Variants in CEP128 observed in about 807,000 individuals in gnomAD.
The protein encoded by CEP128 is centrosomal protein 128kDa.
CEP128 carries 132 observed loss-of-function variants against 156.7 expected under a neutral mutation model. The observed-to-expected ratio is 0.84, with a 90% CI of 0.73 to 0.97. The LOEUF is 0.97. Ranked by LOEUF, CEP128 falls within the 50% of genes least tolerant of loss-of-function variation. CEP128 has a pLI of 0.00. For synonymous variants in CEP128, 469 were observed against 448.9 expected (o/e 1.04, Z -0.57); for missense variants, 1,252 against 1,281.9 (o/e 0.98, Z 0.36).
At chr14:80,827,287 T>C (rs1166150605) in intron 13 of CEP128, among the ~76,000 whole-genome samples, 7 of 152,176 alleles carry the variant, frequency 4.6e-5, no homozygotes. Flanking sequence ...AAATACTAAT[T>C]AAGCACCTAG....
At chr14:80,725,455 T>C (rs971318272) in intron 19 of CEP128, among the ~76,000 whole-genome samples, 1 of 152,086 alleles carries the variant, frequency 6.6e-6, no homozygotes, top group African/African-American at 2.4e-5. Flanking sequence ...AGTGCTGGGA[T>C]TACAGAGGTG....
intron 8 of CEP128, among the ~76,000 whole-genome samples, chr14:80,878,592 T>A (rs1777943804): frequency 6.6e-6 from 1 of 152,128 alleles, no homozygotes; most frequent in Non-Finnish European, 1.5e-5. Flanking sequence ...GGTCCCAAAT[T>A]GCAGTTGTGC....
At chr14:80,540,306 TTCTC>T (rs1566767394) in intron 21 of CEP128, among the ~76,000 whole-genome samples, 1 of 151,244 alleles carries the variant, frequency 6.6e-6, no homozygotes, top group Admixed American at 6.6e-5. Flanking sequence ...GCTGTAAAAT[TTCTC>T]TCTTTGTACT....
chr14:80,562,089 G>C (rs986657610), intron 20 of CEP128, among the ~76,000 whole-genome samples: 1 of 101,450 alleles, frequency 9.9e-6, no homozygotes, highest in African/African-American at 4.2e-5. Context: ...CACCACATCC[G>C]GCTAATTTTT....
chr14:80,504,809 A>C (rs1250075748), intron 24 of CEP128, 103 bp downstream of exon 24: 1 of 432,800 alleles, frequency 2.3e-6, no homozygotes, highest in Non-Finnish European at 4.1e-6. Context: ...ATTTTCTCAG[A>C]CTTATGAATA....
intron 2 of CEP128, among the ~76,000 whole-genome samples, chr14:80,932,657 GA>G (rs1425959965): frequency 6.6e-6 from 1 of 151,682 alleles, no homozygotes; most frequent in Non-Finnish European, 1.5e-5. Context: ...CTAGTTGCAG[GA>G]AAAAAAAGCT....
chr14:80,619,807 T>A lies in CEP128; in HGVS notation c.2807-39384A>T, dbSNP rs2140649203. On this transcript the variant is annotated intron_variant, in intron 19 of 24. Coordinates refer to ENST00000555265, the MANE Select transcript of CEP128 (RefSeq NM_152446.5). ...TTGCTACAAAATTTCAATAGGCAGGTTTTAGGTGAGGCATAGGTGGAGAAA... is the reference window on the plus strand; with the variant it reads ...TTGCTACAAAATTTCAATAGGCAGGATTTAGGTGAGGCATAGGTGGAGAAA... 1.3e-5 allele frequency among the ~76,000 whole-genome samples: 2 copies of A among 151,348 alleles called. 1 individual carries two copies. The highest frequency in any genetic ancestry group is 4.2e-4 in the South Asian group (2 of 4,756).
chr14:80,625,391 A>G (rs754134963), intron 19 of CEP128, among the ~76,000 whole-genome samples: 32 of 151,978 alleles, frequency 2.1e-4, no homozygotes, highest in Non-Finnish European at 4.0e-4. Flanking sequence ...TTATGCCTCG[A>G]GCTTTGTTCT....
chr14:80,542,478 CAA>C (rs1200184378), intron 21 of CEP128, among the ~76,000 whole-genome samples: 1 of 151,828 alleles, frequency 6.6e-6, no homozygotes, highest in Middle Eastern at 3.2e-3. Flanking sequence ...ATAATAAAAA[CAA>C]AAAACAGAAC....
chr14:80,950,354 C>G (rs1886436514), intron 2 of CEP128, among the ~76,000 whole-genome samples: 1 of 152,126 alleles, frequency 6.6e-6, no homozygotes, highest in Non-Finnish European at 1.5e-5. Context: ...TTTGTTACAG[C>G]AGCCCTAGGA....
chr14:80,502,583 T>C (rs1173061734), intron 24 of CEP128, among the ~76,000 whole-genome samples: 1 of 152,212 alleles, frequency 6.6e-6, no homozygotes, highest in African/African-American at 2.4e-5. Flanking sequence ...TTTTCTTTAC[T>C]CTTTATGGCA....
chr14:80,900,991 G>A (rs1036948865), intron 6 of CEP128, among the ~76,000 whole-genome samples: 3 of 151,954 alleles, frequency 2.0e-5, no homozygotes, highest in Non-Finnish European at 2.9e-5. Context: ...CGGATCACGA[G>A]GTCAGGAGAT....
chr14:80,860,620 GT>G (rs1168220155), intron 9 of CEP128, among the ~76,000 whole-genome samples: 3 of 150,398 alleles, frequency 2.0e-5, no homozygotes, highest in Non-Finnish European at 4.4e-5. Context: ...AAAAATCAAG[GT>G]TAAAAAAAAA....
At position 80,600,992 on chromosome 14, in the gene CEP128, G is replaced by A. The variant is rs1006782803; in HGVS notation, c.2807-20569C>T. ...AAAACTGAAGAATATACATGAAGAT[G>A]ATATATGAAGAAGATTATACATGAA... On this transcript the variant is annotated intron_variant, in intron 19 of 24. Transcript: ENST00000555265. Among the ~76,000 whole-genome samples the A allele has an allele frequency of 5.3e-5, 8 of 151,638 alleles. No homozygotes were observed. The East Asian group carries it at 1.4e-3, about 26-fold the overall frequency.
intron 19 of CEP128, among the ~76,000 whole-genome samples, chr14:80,725,018 T>C (rs528996089): frequency 7.0e-6 from 1 of 143,496 alleles, no homozygotes; most frequent in Non-Finnish European, 1.5e-5. Flanking sequence ...TATACATATA[T>C]GATATATATA....
At chr14:80,840,969 TG>T (rs1325218155) in intron 9 of CEP128, among the ~76,000 whole-genome samples, 1 of 152,180 alleles carries the variant, frequency 6.6e-6, no homozygotes, top group African/African-American at 2.4e-5. Flanking sequence ...ATATTCACTT[TG>T]TTTCCTTTTT....
chr14:80,594,555 T>C lies in CEP128; in HGVS notation c.2807-14132A>G, dbSNP rs539800714. ...AGGCAACATACAGAATGGGAGAACA[T>C]TTTTGCAATCTCTCCATCTGACAAA... On this transcript the variant is annotated intron_variant, in intron 19 of 24. Coordinates refer to ENST00000555265, the MANE Select transcript of CEP128 (RefSeq NM_152446.5). Among the ~76,000 whole-genome samples, 67 of 152,266 alleles carry C rather than the reference T, an allele frequency of 4.4e-4. 1 individual carries two copies. Among genetic ancestry groups the C allele is most frequent in the Non-Finnish European group, 7.1e-4 (48 of 68,008 alleles).
intron 19 of CEP128, among the ~76,000 whole-genome samples, chr14:80,584,924 T>G (rs555138255): frequency 1.3e-4 from 20 of 152,364 alleles, no homozygotes; most frequent in Admixed American, 3.3e-4. Flanking sequence ...ACCACTGACA[T>G]GTTCGTGTTT....
chr14:80,513,906 T>C (rs1273407055), intron 23 of CEP128, among the ~76,000 whole-genome samples: 34 of 152,306 alleles, frequency 2.2e-4, no homozygotes, highest in Non-Finnish European at 1.5e-4. Flanking sequence ...CATAGCTAGA[T>C]CTTTTTCTTC....
Sources: allele counts gnomAD v4.1 joint callset (sites outside exome capture counted in the v4.1 genomes callset), GRCh38; gene constraint gnomAD v4.1.1; transcripts MANE v1.5; gene names NCBI Gene and HGNC (gene_info 2026-07-23, HGNC 2026-07-21).